Variants in TRPM3 observed in about 807,000 individuals in gnomAD.
The protein encoded by TRPM3 is long transient receptor potential channel 3.
In TRPM3, 77 loss-of-function variants were observed where a neutral mutation model predicts 181.2. That is an observed-to-expected ratio of 0.42 (90% CI 0.35 to 0.51). The LOEUF is 0.51. Ranked by LOEUF, TRPM3 falls within the 20% of genes least tolerant of loss-of-function variation. The pLI, the probability that TRPM3 is intolerant of heterozygous loss-of-function variation, is 0.01. For missense variants in TRPM3, 1,759 were observed against 2,196.7 expected (o/e 0.80, Z 3.98); for synonymous variants, 745 against 796.4 (o/e 0.94, Z 1.09).
chr9:71,197,779 T>G (rs2078485455), intron 1 of TRPM3, among the ~76,000 whole-genome samples: 1 of 136,582 alleles, frequency 7.3e-6, no homozygotes, highest in Admixed American at 7.7e-5. Context: ...TAGCCCTATG[T>G]CAGATGAGTA....
intron 1 of TRPM3, among the ~76,000 whole-genome samples, chr9:70,908,483 C>T: frequency 6.6e-6 from 1 of 152,214 alleles, no homozygotes; most frequent in South Asian, 2.1e-4. Flanking sequence ...GGGCCAAAAT[C>T]CAGGAGGGAA....
At chr9:70,893,837 A>T (rs1377482551) in intron 1 of TRPM3, among the ~76,000 whole-genome samples, 2 of 152,238 alleles carry the variant, frequency 1.3e-5, no homozygotes, top group Non-Finnish European at 2.9e-5. Flanking sequence ...TTTCTCCCAT[A>T]GAAGGCCTAA....
chr9:71,075,063 G>T (rs1167023226), intron 1 of TRPM3, among the ~76,000 whole-genome samples: 2 of 152,038 alleles, frequency 1.3e-5, no homozygotes, highest in East Asian at 3.9e-4. Flanking sequence ...CATTCTAGAA[G>T]TCATTGACTT....
intron 1 of TRPM3, among the ~76,000 whole-genome samples, chr9:71,130,840 T>C (rs1200487068): frequency 1.3e-5 from 2 of 152,110 alleles, no homozygotes; most frequent in Admixed American, 6.6e-5. Context: ...CCTGATACTA[T>C]CCCAAGGAAA....
intron 1 of TRPM3, among the ~76,000 whole-genome samples, chr9:71,379,395 A>G (rs1056899622): frequency 3.9e-5 from 6 of 152,074 alleles, no homozygotes; most frequent in South Asian, 4.1e-4. Flanking sequence ...AGCATAGTCA[A>G]TTGACTAACT....
At chr9:71,213,014 G>C (rs1270609687) in intron 1 of TRPM3, among the ~76,000 whole-genome samples, 1 of 152,136 alleles carries the variant, frequency 6.6e-6, no homozygotes, top group Non-Finnish European at 1.5e-5. Context: ...TTTTTAATCA[G>C]ATATATAAGA....
At chr9:70,612,231 T>A (rs1040364646) in intron 18 of TRPM3, among the ~76,000 whole-genome samples, 8 of 152,252 alleles carry the variant, frequency 5.3e-5, no homozygotes, top group Admixed American at 3.9e-4. Context: ...GCATAATTTC[T>A]TGACTTTAAT....
chr9:70,595,794 C>T (rs968686966), intron 21 of TRPM3, among the ~76,000 whole-genome samples: 6 of 152,128 alleles, frequency 3.9e-5, no homozygotes, highest in African/African-American at 1.4e-4. Flanking sequence ...TGTTAAAGTG[C>T]AAAGAAGATG....
chr9:71,180,640 T>C (rs956086170), intron 1 of TRPM3, among the ~76,000 whole-genome samples: 3 of 152,142 alleles, frequency 2.0e-5, no homozygotes, highest in Admixed American at 6.6e-5. Flanking sequence ...TGAGTAGCTG[T>C]GAGGATGTGC....
intron 1 of TRPM3, among the ~76,000 whole-genome samples, chr9:71,002,199 C>T (rs562785976): frequency 6.6e-5 from 10 of 152,286 alleles, no homozygotes; most frequent in East Asian, 5.8e-4. Context: ...TCCATCCGTT[C>T]GCCTAGTTAA....
At chr9:71,242,774 A>G (rs749538914) in intron 1 of TRPM3, among the ~76,000 whole-genome samples, 8 of 152,042 alleles carry the variant, frequency 5.3e-5, no homozygotes, top group Non-Finnish European at 8.8e-5. Flanking sequence ...ATCACCTTTC[A>G]TCATCCATTC....
intron 1 of TRPM3, among the ~76,000 whole-genome samples, chr9:71,224,498 T>C (rs1305686800): frequency 6.6e-6 from 1 of 152,210 alleles, no homozygotes; most frequent in Non-Finnish European, 1.5e-5. Context: ...CAGACACTTA[T>C]GAACATCCAT....
intron 1 of TRPM3, among the ~76,000 whole-genome samples, chr9:71,016,556 T>C (rs1298490321): frequency 3.9e-5 from 6 of 152,190 alleles, no homozygotes; most frequent in Non-Finnish European, 8.8e-5. Context: ...CATAACATCT[T>C]CGAGATCCAT....
intron 1 of TRPM3, among the ~76,000 whole-genome samples, chr9:71,366,901 T>C (rs1310048688): frequency 1.3e-5 from 2 of 152,106 alleles, no homozygotes. Context: ...TAGATAAGAT[T>C]TCACCAACTG....
intron 1 of TRPM3, among the ~76,000 whole-genome samples, chr9:71,262,154 T>C (rs11142760): frequency 0.13 from 20,535 of 152,238 alleles, 1,769 homozygotes; most frequent in Non-Finnish European, 0.19. Context: ...GAGTTTTATC[T>C]ATAAGCTCCT....
intron 1 of TRPM3, among the ~76,000 whole-genome samples, chr9:71,294,612 T>A (rs2086102841): frequency 6.6e-6 from 1 of 152,120 alleles, no homozygotes; most frequent in African/African-American, 2.4e-5. Context: ...TGACCAAGTA[T>A]AAACCTATGA....
chr9:71,141,887 A>G (rs1269635916), intron 1 of TRPM3, among the ~76,000 whole-genome samples: 3 of 151,970 alleles, frequency 2.0e-5, no homozygotes, highest in Non-Finnish European at 4.4e-5. Flanking sequence ...CATCTTTAAT[A>G]TTTTTGTTGC....
Position 70,815,910 on chromosome 9 carries a change from G to A in TRPM3, c.973+11937C>T, listed in dbSNP as rs370795219. Among the ~76,000 whole-genome samples, 22 of 152,288 alleles carry A rather than the reference G, an allele frequency of 1.4e-4. No individual in the cohort carries two copies. The East Asian group carries it at 3.7e-3, about 25-fold the overall frequency. On this transcript the variant is annotated intron_variant, in intron 6 of 25. Coordinates refer to ENST00000677713, the MANE Select transcript of TRPM3 (RefSeq NM_001366145.2). The stretch of plus-strand genomic sequence containing the variant: ...GGAGGAAAAAGATGTTAAGCCAGAA[G>A]CTGAGCCAAGAAATTGTTTTACAAG...
chr9:71,391,482 TAATG>T (rs2093062025), intron 1 of TRPM3, among the ~76,000 whole-genome samples: 2 of 152,070 alleles, frequency 1.3e-5, no homozygotes, highest in Non-Finnish European at 1.5e-5. Flanking sequence ...AAGTATAGAT[TAATG>T]ATATTTATTC....
Sources: allele counts gnomAD v4.1 joint callset (sites outside exome capture counted in the v4.1 genomes callset), GRCh38; gene constraint gnomAD v4.1.1; transcripts MANE v1.5; gene names NCBI Gene and HGNC (gene_info 2026-07-23, HGNC 2026-07-21).